Variants in P2RY6 observed in about 807,000 individuals in gnomAD.
P2RY6 encodes pyrimidinergic receptor P2Y6, also known as P2Y purinoceptor 6.
P2RY6 carries 19 observed loss-of-function variants against 16.3 expected under a neutral mutation model. The observed-to-expected ratio is 1.16, with a 90% CI of 0.81 to 1.71. The LOEUF (loss-of-function observed/expected upper bound fraction) is 1.71, where lower values mean the gene tolerates loss of function less well. P2RY6 is among the 40% of genes most tolerant of loss of function. The pLI is 0.00. For synonymous variants in P2RY6, 184 were observed against 201.5 expected (o/e 0.91, Z 0.74); for missense variants, 389 against 455.5 (o/e 0.85, Z 1.33).
chr11:73,287,353 C>T (rs539205437), intron 1 of P2RY6, among the ~76,000 whole-genome samples: 28 of 152,350 alleles, frequency 1.8e-4, no homozygotes, highest in Non-Finnish European at 3.2e-4. Context: ...ACTCCTCCAC[C>T]CTGAGCCAGT....
intron 1 of P2RY6, among the ~76,000 whole-genome samples, chr11:73,292,349 G>C (rs1864290609): frequency 6.6e-6 from 1 of 152,228 alleles, no homozygotes; most frequent in African/African-American, 2.4e-5. Flanking sequence ...GCCACATGGA[G>C]GGATGGGTAG....
In P2RY6 at chr11:73,297,590, TTA is replaced by T. The variant is rs1491320033; in HGVS notation, c.*86_*87del. On this transcript the variant is annotated 3_prime_UTR_variant, in exon 3 of 3. Coordinates refer to ENST00000540124, the MANE Select transcript of P2RY6 (RefSeq NM_001277204.2). ...CACCAACCCCAAACCATGCGGAGAA[TTA>T]GAGTTCAGCTCAGCTGGGCATGGAG... The T allele has an allele frequency of 2.8e-6, 3 of 1,080,742 alleles. No homozygotes were observed. The highest frequency in any genetic ancestry group is 1.4e-6 in the Non-Finnish European group (1 of 739,026). The allele number at this position is 1,080,742 out of a possible 1,614,324, so 66.9% of individuals were successfully genotyped here. A position where few individuals can be genotyped will look rare whatever the true frequency, so the allele number is the denominator to read the frequency against.
At chr11:73,268,884 G>A (rs1863192011), upstream of P2RY6, among the ~76,000 whole-genome samples, 2 of 152,164 alleles carry the variant, frequency 1.3e-5, no homozygotes, top group Admixed American at 6.5e-5. Context: ...GCCTGCCAGG[G>A]GCCTCATTAC....
chr11:73,273,763 C>T (rs1019457415), intron 1 of P2RY6, among the ~76,000 whole-genome samples: 5 of 152,178 alleles, frequency 3.3e-5, no homozygotes, highest in Non-Finnish European at 5.9e-5. Context: ...GCAGCCCATC[C>T]ACCACCTGTT....
At chr11:73,271,347 G>T (rs1863300207), upstream of P2RY6, among the ~76,000 whole-genome samples, 3 of 152,214 alleles carry the variant, frequency 2.0e-5, 1 homozygote, top group South Asian at 6.2e-4. Flanking sequence ...CACTGAGATA[G>T]TGAAGGGAGT....
intron 1 of P2RY6, among the ~76,000 whole-genome samples, chr11:73,285,473 C>T (rs763438946): frequency 6.6e-6 from 1 of 152,228 alleles, no homozygotes; most frequent in Admixed American, 6.5e-5. Flanking sequence ...TTACTTTGAT[C>T]TCTTCCTCCC....
chr11:73,282,254 C>T (rs559944306), intron 1 of P2RY6, among the ~76,000 whole-genome samples: 1 of 152,320 alleles, frequency 6.6e-6, no homozygotes, highest in South Asian at 2.1e-4. Flanking sequence ...TGAATCTAAC[C>T]ACAACCAATT....
At chr11:73,290,339 G>GAA (rs1380522875) in intron 1 of P2RY6, among the ~76,000 whole-genome samples, 1 of 150,256 alleles carries the variant, frequency 6.7e-6, no homozygotes, top group East Asian at 1.9e-4. Flanking sequence ...AAGAAAGAAA[G>GAA]AAAGAAAGAA....
intron 1 of P2RY6, among the ~76,000 whole-genome samples, chr11:73,285,020 G>A (rs544660242): frequency 6.6e-6 from 1 of 152,314 alleles, no homozygotes; most frequent in African/African-American, 2.4e-5. Flanking sequence ...AGAGTGGTAG[G>A]AGAAGGTCCC....
chr11:73,266,708 A>G (rs1281314384), intron 1 of P2RY6, among the ~76,000 whole-genome samples: 1 of 152,174 alleles, frequency 6.6e-6, no homozygotes, highest in Non-Finnish European at 1.5e-5. Flanking sequence ...CAGTGTTGGG[A>G]GCTGTGGAAA....
At chr11:73,269,500 C>G (rs920879292), upstream of P2RY6, among the ~76,000 whole-genome samples, 1 of 152,154 alleles carries the variant, frequency 6.6e-6, no homozygotes, top group Admixed American at 6.5e-5. Flanking sequence ...GAAAATAAGG[C>G]CTGTGGACTA....
At chr11:73,290,357 A>AAGAG (rs1565170795) in intron 1 of P2RY6, among the ~76,000 whole-genome samples, 2 of 115,370 alleles carry the variant, frequency 1.7e-5, no homozygotes, top group Non-Finnish European at 3.8e-5. Flanking sequence ...GAAAGAAAGA[A>AAGAG]AGAAAGAAGG....
At chr11:73,287,896 AG>A (rs1197446563) in intron 1 of P2RY6, among the ~76,000 whole-genome samples, 1 of 152,196 alleles carries the variant, frequency 6.6e-6, no homozygotes, top group Non-Finnish European at 1.5e-5. Context: ...TGGGCACCAC[AG>A]GCCGTCCCTC....
chr11:73,282,283 C>T (rs1243221523), intron 1 of P2RY6, among the ~76,000 whole-genome samples: 1 of 152,212 alleles, frequency 6.6e-6, no homozygotes. Context: ...AACTAGCAGC[C>T]CAAGGGACCT....
At chr11:73,290,365 AGGAAAGAAAG>A (rs1449306919) in intron 1 of P2RY6, among the ~76,000 whole-genome samples, 4 of 102,346 alleles carry the variant, frequency 3.9e-5, no homozygotes, top group Non-Finnish European at 6.3e-5. Flanking sequence ...GAAAGAAAGA[AGGAAAGAAAG>A]AGAAAGAAAG....
chr11:73,270,573 C>T (rs1191893730), upstream of P2RY6, among the ~76,000 whole-genome samples: 2 of 152,188 alleles, frequency 1.3e-5, no homozygotes, highest in African/African-American at 4.8e-5. Context: ...GGGTCCAGCG[C>T]CCTCTCGCCT....
intron 1 of P2RY6, among the ~76,000 whole-genome samples, chr11:73,279,152 TTA>T (rs2135711150): frequency 6.6e-6 from 1 of 152,304 alleles, no homozygotes; most frequent in Admixed American, 6.5e-5. Flanking sequence ...TTTCATATGC[TTA>T]TTGGCCATTT....
chr11:73,294,851 C>T (rs1864410064), intron 1 of P2RY6, among the ~76,000 whole-genome samples: 1 of 152,166 alleles, frequency 6.6e-6, no homozygotes, highest in Non-Finnish European at 1.5e-5. Context: ...ACTATCTCAT[C>T]TCATTTTACA....
Position 73,297,179 on chromosome 11 carries a change from C to T in P2RY6, c.661C>T (p.Arg221Cys), listed in dbSNP as rs566488664. The T allele has an allele frequency of 1.2e-5, 19 of 1,604,100 alleles. No homozygotes were observed. The highest frequency in any genetic ancestry group is 4.5e-5 in the East Asian group (2 of 44,878). The change falls in exon 3 of 3, where the codon CGC becomes TGC. Residue 221 changes from arginine (R) to cysteine (C), a missense_variant. Transcript: ENST00000540124. ...CTGTCTCCTGGCCTGCCGCCTGTGCCGCCAGGATGGCCCGGCAGAGCCTGT... is the reference window on the plus strand; with the variant it reads ...CTGTCTCCTGGCCTGCCGCCTGTGCTGCCAGGATGGCCCGGCAGAGCCTGT... Reference protein sequence around the residue: ...CYCLLACRLCRQDGPAEPVAQ... With the variant: ...CYCLLACRLCCQDGPAEPVAQ...
Sources: allele counts gnomAD v4.1 joint callset (sites outside exome capture counted in the v4.1 genomes callset), GRCh38; gene constraint gnomAD v4.1.1; transcripts MANE v1.5; gene names NCBI Gene and HGNC (gene_info 2026-07-23, HGNC 2026-07-21).